Variants in CTNNA2 observed in about 807,000 individuals in gnomAD.
The protein encoded by CTNNA2 is catenin alpha 2.
A neutral mutation model predicts 101.0 loss-of-function variants in CTNNA2; 42 were observed. The observed-to-expected ratio is 0.42, with a 90% CI of 0.32 to 0.54. The LOEUF (loss-of-function observed/expected upper bound fraction) is 0.54, where lower values mean the gene tolerates loss of function less well. Ranked by LOEUF, CTNNA2 falls within the 20% of genes least tolerant of loss-of-function variation. CTNNA2 has a pLI of 0.14. For synonymous variants in CTNNA2, 450 were observed against 456.4 expected, an observed-to-expected ratio of 0.99 and a Z score of 0.18; for missense variants, 871 against 1,223.1, an observed-to-expected ratio of 0.71 and a Z score of 4.29.
At chr2:80,600,150 G>A (rs1246231835) in intron 15 of CTNNA2, among the ~76,000 whole-genome samples, 1 of 151,826 alleles carries the variant, frequency 6.6e-6, no homozygotes, top group African/African-American at 2.4e-5. Flanking sequence ...AGGGACAATT[G>A]GTTACTGGTT....
intron 3 of CTNNA2, among the ~76,000 whole-genome samples, chr2:79,326,338 G>A (rs1041227989): frequency 1.3e-5 from 2 of 150,874 alleles, no homozygotes; most frequent in Admixed American, 6.6e-5. Context: ...GATAAGAGTA[G>A]GGGATTGGAA....
At chr2:79,908,086 T>A (rs1370960179) in intron 6 of CTNNA2, among the ~76,000 whole-genome samples, 3 of 152,198 alleles carry the variant, frequency 2.0e-5, no homozygotes, top group Non-Finnish European at 4.4e-5. Flanking sequence ...CAGCTGGACT[T>A]CACTTTGTAA....
At chr2:80,213,999 G>A (rs1300962159) in intron 7 of CTNNA2, among the ~76,000 whole-genome samples, 2 of 152,042 alleles carry the variant, frequency 1.3e-5, no homozygotes, top group Non-Finnish European at 2.9e-5. Flanking sequence ...GATCTTTGTT[G>A]GTTTAAAGTC....
chr2:80,262,353 C>T (rs77440076), intron 7 of CTNNA2, among the ~76,000 whole-genome samples: 9,230 of 152,208 alleles, frequency 0.061, 457 homozygotes, highest in South Asian at 0.29. Flanking sequence ...CTAACCAGTA[C>T]CCTATTGCTA....
intron 7 of CTNNA2, among the ~76,000 whole-genome samples, chr2:80,027,477 A>C (rs1695002314): frequency 6.6e-6 from 1 of 152,222 alleles, no homozygotes; most frequent in South Asian, 2.1e-4. Context: ...ATTTTTCAGA[A>C]GATCTGGCTT....
At chr2:80,598,899 G>A (rs1335182261) in intron 15 of CTNNA2, among the ~76,000 whole-genome samples, 1 of 152,180 alleles carries the variant, frequency 6.6e-6, no homozygotes, top group East Asian at 1.9e-4. Flanking sequence ...AACAGTATGA[G>A]AGAAACTTGT....
At chr2:79,203,383 T>G (rs535577930) in intron 2 of CTNNA2, among the ~76,000 whole-genome samples, 1 of 152,284 alleles carries the variant, frequency 6.6e-6, no homozygotes, top group African/African-American at 2.4e-5. Context: ...ATAAAGGAAC[T>G]AGTTCAAAGT....
chr2:79,530,205 C>T (rs574151998), intron 1 of CTNNA2, among the ~76,000 whole-genome samples: 12 of 152,258 alleles, frequency 7.9e-5, no homozygotes, highest in Non-Finnish European at 1.5e-4. Context: ...GCGTGGGTAA[C>T]ATTTTACAAA....
chr2:79,597,203 T>C (rs572984520), intron 1 of CTNNA2, among the ~76,000 whole-genome samples: 1 of 152,228 alleles, frequency 6.6e-6, no homozygotes, highest in African/African-American at 2.4e-5. Context: ...CCGGGCGCGG[T>C]GGCTCACACC....
intron 6 of CTNNA2, among the ~76,000 whole-genome samples, chr2:79,907,889 A>G (rs991278781): frequency 3.9e-5 from 6 of 152,174 alleles, no homozygotes; most frequent in African/African-American, 1.4e-4. Context: ...TTCCTTTCTA[A>G]GTCCCAACCT....
chr2:79,362,437 G>A (rs1677652655), intron 3 of CTNNA2, among the ~76,000 whole-genome samples: 1 of 152,128 alleles, frequency 6.6e-6, no homozygotes, highest in African/African-American at 2.4e-5. Flanking sequence ...ATGTTTTAAT[G>A]AATCTTCCAT....
At chr2:80,204,252 C>T (rs1408912056) in intron 7 of CTNNA2, among the ~76,000 whole-genome samples, 1 of 152,220 alleles carries the variant, frequency 6.6e-6, no homozygotes, top group African/African-American at 2.4e-5. Flanking sequence ...CTGAAGCCAG[C>T]TTGAATTTCT....
At chr2:80,556,032 G>C (rs569595993) in intron 12 of CTNNA2, 139 bp downstream of exon 12, 1 of 522,298 alleles carries the variant, frequency 1.9e-6, no homozygotes, top group Middle Eastern at 5.4e-4. Flanking sequence ...GAATACTTGA[G>C]TGTTCTCTTT....
At chr2:79,232,095 T>C (rs1283213991) in intron 2 of CTNNA2, among the ~76,000 whole-genome samples, 1 of 152,152 alleles carries the variant, frequency 6.6e-6, no homozygotes, top group Admixed American at 6.5e-5. Context: ...CAGTACTGTG[T>C]TGAATAGGAG....
intron 7 of CTNNA2, among the ~76,000 whole-genome samples, chr2:80,193,885 T>C (rs532445610): frequency 1.3e-5 from 2 of 152,328 alleles, no homozygotes; most frequent in South Asian, 4.1e-4. Flanking sequence ...GTTTTCATTC[T>C]GACCTCTAAA....
intron 3 of CTNNA2, among the ~76,000 whole-genome samples, chr2:79,786,875 C>T (rs1009708689): frequency 7.2e-5 from 11 of 152,096 alleles, no homozygotes; most frequent in African/African-American, 2.7e-4. Context: ...AACTGTTTAT[C>T]GATCTGGGAA....
chr2:79,862,504 T>G (rs1681699648), intron 4 of CTNNA2, among the ~76,000 whole-genome samples: 1 of 152,224 alleles, frequency 6.6e-6, no homozygotes, highest in African/African-American at 2.4e-5. Flanking sequence ...TATCATAAAA[T>G]AGCCTTGCCT....
At chr2:79,983,453 G>C (rs780459063) in intron 7 of CTNNA2, among the ~76,000 whole-genome samples, 1 of 152,106 alleles carries the variant, frequency 6.6e-6, no homozygotes, top group African/African-American at 2.4e-5. Context: ...AGGATAGGGA[G>C]GGTCTCCTTT....
At chr2:79,392,053 T>G (rs562765504) in intron 4 of CTNNA2, among the ~76,000 whole-genome samples, 5 of 152,260 alleles carry the variant, frequency 3.3e-5, no homozygotes, top group African/African-American at 7.2e-5. Flanking sequence ...ATGACCTCAT[T>G]TAACTTTAAT....
Sources: gnomAD v4.1 joint callset for allele counts (sites outside exome capture counted in the v4.1 genomes callset) on GRCh38, gnomAD v4.1.1 for gene constraint, MANE v1.5 for transcripts, NCBI Gene and HGNC (gene_info 2026-07-23, HGNC 2026-07-21) for gene names.